The following SYBU variants were observed in gnomAD, a reference collection of about 807,000 sequenced individuals.
SYBU encodes the protein syntabulin.
A neutral mutation model predicts 35.9 loss-of-function variants in SYBU; 21 were observed. The ratio of observed to expected loss-of-function variants is 0.58; its 90% confidence interval spans 0.41 to 0.84. SYBU has a LOEUF of 0.84. SYBU is among the 40% of genes least tolerant of loss of function. SYBU has a pLI of 0.00. For synonymous variants in SYBU, 319 were observed against 324.3 expected, an observed-to-expected ratio of 0.98 and a Z score of 0.18; for missense variants, 768 against 848.2, an observed-to-expected ratio of 0.91 and a Z score of 1.17.
chr8:109,668,890 T>C (rs1016429248), intron 1 of SYBU, among the ~76,000 whole-genome samples: 1 of 152,218 alleles, frequency 6.6e-6, no homozygotes, highest in Admixed American at 6.5e-5. Context: ...TGAACACAAG[T>C]ATTTAATTCA....
intron 2 of SYBU, among the ~76,000 whole-genome samples, chr8:109,638,816 T>C (rs1171229892): frequency 6.6e-6 from 1 of 152,130 alleles, no homozygotes; most frequent in Non-Finnish European, 1.5e-5. Flanking sequence ...AAAACACTCA[T>C]GTGCTGATGA....
chr8:109,637,588 T>C (rs1406503467), intron 2 of SYBU, among the ~76,000 whole-genome samples: 3 of 152,230 alleles, frequency 2.0e-5, no homozygotes, highest in African/African-American at 4.8e-5. Context: ...GGTCTTTTTT[T>C]TTAAATTCAC....
chr8:109,578,055 G>A (rs369184980), intron 5 of SYBU, 38 bp from the exon 6 acceptor site: 310 of 1,581,220 alleles, frequency 2.0e-4, no homozygotes, highest in Non-Finnish European at 2.4e-4. Flanking sequence ...ACTTTTTGCC[G>A]TTTCCTTTTC....
At chr8:109,685,761 A>G (rs1424547960), upstream of SYBU, among the ~76,000 whole-genome samples, 1 of 152,208 alleles carries the variant, frequency 6.6e-6, no homozygotes, top group Non-Finnish European at 1.5e-5. Flanking sequence ...TCATTATTTG[A>G]GGAGGCATAA....
chr8:109,606,305 C>T (rs190306385), intron 3 of SYBU, among the ~76,000 whole-genome samples: 7 of 152,216 alleles, frequency 4.6e-5, no homozygotes, highest in Admixed American at 3.3e-4. Flanking sequence ...ATAGTAATCA[C>T]AATACAATAG....
chr8:109,671,403 G>A (rs1043811706), intron 1 of SYBU, among the ~76,000 whole-genome samples: 3 of 152,116 alleles, frequency 2.0e-5, no homozygotes, highest in Non-Finnish European at 4.4e-5. Context: ...AGTACACTCA[G>A]CCTAAACCTC....
intron 3 of SYBU, among the ~76,000 whole-genome samples, chr8:109,616,633 T>A (rs982544369): frequency 2.0e-5 from 3 of 151,662 alleles, no homozygotes; most frequent in African/African-American, 7.3e-5. Context: ...GGGCTGAGGA[T>A]AACAAAAATA....
intron 1 of SYBU, among the ~76,000 whole-genome samples, chr8:109,659,643 C>T (rs1330219348): frequency 6.6e-6 from 1 of 152,146 alleles, no homozygotes; most frequent in Non-Finnish European, 1.5e-5. Flanking sequence ...ATTCTGCCTG[C>T]CATTTAAAAC....
chr8:109,691,443 T>TC lies in SYBU; in HGVS notation c.-169dup, dbSNP rs931801034. The stretch of plus-strand genomic sequence containing the variant: ...GTGCCGGTGCGGACGGGACCCCGCG[T>TC]CGCTGCTGGTTTGCGCTCAGGCCCG... On this transcript the variant is annotated 5_prime_UTR_variant, in exon 1 of 8. Transcript: ENST00000422135. The surrounding 1 kb of genome is among the most constrained non-coding windows in gnomAD (Gnocchi z 4.7). 8 of 660,640 alleles carry TC rather than the reference T, an allele frequency of 1.2e-5. No individual in the cohort carries two copies. The highest frequency in any genetic ancestry group is 2.3e-5 in the Admixed American group (1 of 44,190). The allele number at this position is 660,640 out of a possible 1,614,324, so 40.9% of individuals were successfully genotyped here.
At chr8:109,639,495 C>T (rs1357387690) in intron 2 of SYBU, among the ~76,000 whole-genome samples, 1 of 152,188 alleles carries the variant, frequency 6.6e-6, no homozygotes, top group Non-Finnish European at 1.5e-5. Flanking sequence ...TCTATAATTT[C>T]ATTACCAGAT....
intron 6 of SYBU, 21 bp from the exon 7 acceptor site, chr8:109,576,034 T>C (rs1459752063): frequency 3.3e-6 from 4 of 1,214,594 alleles, no homozygotes; most frequent in Non-Finnish European, 4.2e-6. Flanking sequence ...AAGACAAGCA[T>C]GGTTAATTAA....
chr8:109,644,731 C>G lies in SYBU; in HGVS notation c.-72G>C. The G allele has an allele frequency of 7.2e-7, 1 of 1,396,434 alleles. No homozygotes were observed. Among genetic ancestry groups the G allele is most frequent in the East Asian group, 2.9e-5 (1 of 34,182 alleles). 86.5% of individuals were successfully genotyped at this position (1,396,434 alleles called of 1,614,324 possible). ...GGAGGAGGCACCTGCGAGCACGGAG[C>G]GAGGAGACTGCGCTGAGCCGGCGCG... On this transcript the variant is annotated 5_prime_UTR_variant, in exon 1 of 7. Coordinates refer to ENST00000276646, the MANE Select transcript of SYBU (RefSeq NM_001099754.2).
At chr8:109,689,570 A>T (rs537024582) in intron 1 of SYBU, among the ~76,000 whole-genome samples, 1 of 152,082 alleles carries the variant, frequency 6.6e-6, no homozygotes, top group Non-Finnish European at 1.5e-5. Flanking sequence ...GGACTCAAGC[A>T]ACCCATCCTT....
chr8:109,593,622 T>G (rs1205050091), intron 3 of SYBU, among the ~76,000 whole-genome samples: 1 of 152,232 alleles, frequency 6.6e-6, no homozygotes, highest in Non-Finnish European at 1.5e-5. Context: ...ACCAGTGTGC[T>G]GTTGAACGTG....
chr8:109,691,398 C>T lies in SYBU; in HGVS notation c.-123G>A. The T allele has an allele frequency of 1.4e-6, 1 of 691,766 alleles. No individual in the cohort carries two copies. Among genetic ancestry groups the T allele is most frequent in the East Asian group, 2.8e-5 (1 of 35,720 alleles). The allele number at this position is 691,766 out of a possible 1,614,324, so 42.9% of individuals were successfully genotyped here. The stretch of plus-strand genomic sequence containing the variant: ...GAGGCACCTACGTGCGCCCGGGAGA[C>T]CGGGCCCCGGCTGGGCCGGGTGCCG... On this transcript the variant is annotated 5_prime_UTR_variant, in exon 1 of 8. Coordinates refer to the SYBU transcript ENST00000422135. This position sits in a 1 kb window ranked among gnomAD's most constrained non-coding sequence, Gnocchi z 4.7.
chr8:109,607,457 A>C (rs912848887), intron 3 of SYBU, among the ~76,000 whole-genome samples: 8 of 152,192 alleles, frequency 5.3e-5, no homozygotes, highest in Non-Finnish European at 1.2e-4. Flanking sequence ...TTCAGCCTAC[A>C]CAGAGGCCCA....
intron 1 of SYBU, among the ~76,000 whole-genome samples, chr8:109,670,433 TA>T (rs35250053): frequency 6.6e-6 from 1 of 151,690 alleles, no homozygotes; most frequent in African/African-American, 2.4e-5. Context: ...TTCTTATTTA[TA>T]AAAAAGTTTA....
At chr8:109,647,685 T>C (rs1433669275), upstream of SYBU, 2 of 152,232 alleles carry the variant, frequency 1.3e-5, no homozygotes, top group Non-Finnish European at 2.9e-5. Flanking sequence ...ATACAACTTG[T>C]TTTGAAAATG....
intron 3 of SYBU, among the ~76,000 whole-genome samples, chr8:109,604,327 T>C (rs1825846628): frequency 6.6e-6 from 1 of 152,146 alleles, no homozygotes; most frequent in Non-Finnish European, 1.5e-5. Flanking sequence ...TTTATAAGTA[T>C]CAATATTGCA....
Sources: gnomAD v4.1 joint callset for allele counts (sites outside exome capture counted in the v4.1 genomes callset) on GRCh38, gnomAD v4.1.1 for gene constraint, Gnocchi (gnomAD v3.1) non-coding constraint, MANE v1.5 for transcripts, NCBI Gene and HGNC (gene_info 2026-07-23, HGNC 2026-07-21) for gene names.